The following SPAG4 variants were observed in gnomAD, a reference collection of about 807,000 sequenced individuals.
The protein encoded by SPAG4 is sperm-associated antigen 4 protein.
Under a neutral mutation model 53.9 loss-of-function variants are expected in SPAG4, and 54 were observed. That is an observed-to-expected ratio of 1.00 (90% CI 0.80 to 1.26). The LOEUF (loss-of-function observed/expected upper bound fraction) is 1.26. SPAG4 is among the 50% of genes most tolerant of loss of function. The pLI, the probability that SPAG4 is intolerant of heterozygous loss-of-function variation, is 0.00. For synonymous variants in SPAG4, 246 were observed against 237.4 expected (o/e 1.04, Z -0.33); for missense variants, 548 against 568.6 (o/e 0.96, Z 0.37).
chr20:35,617,014 CA>C (rs948362732), intron 1 of SPAG4, 121 bp from the exon 2 acceptor site: 5 of 676,798 alleles, frequency 7.4e-6, no homozygotes, highest in Non-Finnish European at 1.3e-5. Flanking sequence ...GCGGTGGGAC[CA>C]AAGCCTGTGA....
rs779027763 is a variant in SPAG4, at chr20:35,620,909, A to G, written c.1201A>G (p.Ile401Val). The G allele has an allele frequency of 1.9e-6, 3 of 1,614,150 alleles. No individual in the cohort carries two copies. Among genetic ancestry groups the G allele is most frequent in the Admixed American group, 1.7e-5 (1 of 60,022 alleles). The change falls in exon 12 of 12, where the codon ATC (isoleucine) becomes GTC (valine). Residue 401 changes from isoleucine (I) to valine (V), a missense_variant. Transcript: ENST00000374273. ...CCCAGCTGCCTTTCCCAAGGTGAAG[A>G]TCCAGATTCTAAGCAACTGGGGCCA... is the stretch of plus-strand genomic sequence containing the variant. The part of the protein sequence containing the change: ...DPPAAFPKVK[I>V]QILSNWGHPR...
chr20:35,616,911 T>G lies in SPAG4; in HGVS notation c.305-225T>G. The G allele has an allele frequency of 2.0e-5, 11 of 557,064 alleles. No homozygotes were observed. The South Asian group carries it at 2.4e-4, about 12-fold the overall frequency. The allele number at this position is 557,064 out of a possible 1,614,324, so 34.5% of individuals were successfully genotyped here. The stretch of plus-strand genomic sequence containing the variant: ...TCCCAAATCGCTGGGATTACAGGCG[T>G]GAGCCACCGCGCCCGGCCAGGAGAC... On this transcript the variant is annotated intron_variant, in intron 1 of 11. Coordinates refer to ENST00000374273, the MANE Select transcript of SPAG4 (RefSeq NM_003116.3).
Position 35,617,503 on chromosome 20 carries a change from C to T in SPAG4, c.410-17C>T, listed in dbSNP as rs564233159. ...CCCTGCCGTGGGCCCCTCTCTGACC[C>T]TCTGTCCTGGCCTCAGGCCTGCTCT... On this transcript the variant is annotated splice_polypyrimidine_tract_variant and intron_variant, in intron 2 of 11. Transcript: ENST00000374273. 1.3e-5 allele frequency: 21 copies of T among 1,579,782 alleles called. No homozygotes were observed. In the African/African-American group the frequency reaches 2.5e-4, roughly 19 times the overall value.
intron 4 of SPAG4, 32 bp downstream of exon 4, chr20:35,617,872 C>T (rs780448667): frequency 6.2e-7 from 1 of 1,603,986 alleles, no homozygotes; most frequent in Non-Finnish European, 8.5e-7. Flanking sequence ...GGAGCCCCTG[C>T]CCTGGGTGCT....
intron 1 of SPAG4, 127 bp downstream of exon 1, chr20:35,616,434 G>C (rs938332550): frequency 2.2e-6 from 3 of 1,356,880 alleles, no homozygotes; most frequent in Admixed American, 3.2e-5. Context: ...AGGGTAAAGG[G>C]ATGGTGCTAA....
intron 2 of SPAG4, 53 bp from the exon 3 acceptor site, chr20:35,617,467 G>GC (rs3841688): frequency 0.2 from 300,609 of 1,500,850 alleles, 34,266 homozygotes; most frequent in African/African-American, 0.43. Flanking sequence ...CGCAGGCTGA[G>GC]CCCCGCCTCT....
At chr20:35,618,519 T>G (rs2031461092) in intron 6 of SPAG4, 44 bp downstream of exon 6, 1 of 1,611,542 alleles carries the variant, frequency 6.2e-7, no homozygotes. Context: ...GGCTCAAAGT[T>G]GCTTCTTTGA....
intron 7 of SPAG4, 41 bp from the exon 8 acceptor site, chr20:35,618,882 G>A: frequency 1.3e-6 from 2 of 1,588,382 alleles, no homozygotes; most frequent in Non-Finnish European, 8.6e-7. Flanking sequence ...AAAGCAGCCC[G>A]CAAGCCTCGC....
chr20:35,619,048 A>G, intron 8 of SPAG4, 50 bp downstream of exon 8: 2 of 1,544,512 alleles, frequency 1.3e-6, no homozygotes, highest in East Asian at 2.2e-5. Flanking sequence ...GAAAGAGGCC[A>G]AGACACTGAC....
At chr20:35,619,894 G>A in intron 10 of SPAG4, 148 bp downstream of exon 10, 1 of 793,972 alleles carries the variant, frequency 1.3e-6, no homozygotes, top group Non-Finnish European at 1.9e-6. Context: ...GTAGGTTATA[G>A]TCATAACCAT....
chr20:35,621,041 T>C lies in SPAG4; in HGVS notation c.*19T>C. 1.2e-6 allele frequency: 2 copies of C among 1,610,618 alleles called. No individual in the cohort carries two copies. The highest frequency in any genetic ancestry group is 1.1e-5 in the South Asian group (1 of 91,032). ...CCATTAAACATGCTGATTTTTGGAG[T>C]AGAATTGAGTTCTGCTGAAGGATAC... is the stretch of plus-strand genomic sequence containing the variant. On this transcript the variant is annotated 3_prime_UTR_variant, in exon 12 of 12. Coordinates refer to ENST00000374273, the MANE Select transcript of SPAG4 (RefSeq NM_003116.3).
intron 10 of SPAG4, among the ~76,000 whole-genome samples, chr20:35,620,373 AAC>A (rs2031534198): frequency 6.6e-6 from 1 of 152,200 alleles, no homozygotes; most frequent in Non-Finnish European, 1.5e-5. Context: ...TAATACAACT[AAC>A]AGTTGGCAGG....
In SPAG4 at chr20:35,619,728, C is replaced by T; in HGVS notation, c.1059C>T (p.Pro353=). ...VEHTGGANSA[P]RDFAVFGLQV... is the part of the protein sequence containing the mutation. ...ACACCGGAGGAGCCAACAGCGCCCC[C>T]CGCGATTTCGCGGTCTTTGTGAGTG... The change falls in exon 10 of 12, where the codon CCC becomes CCT. Residue 353 remains proline, a synonymous_variant. Transcript: ENST00000374273. 1 of 1,610,516 alleles carries T rather than the reference C, an allele frequency of 6.2e-7. No homozygotes were observed. Among genetic ancestry groups the T allele is most frequent in the Non-Finnish European group, 8.5e-7 (1 of 1,177,432 alleles).
At chr20:35,617,418 C>A in intron 2 of SPAG4, 102 bp from the exon 3 acceptor site, 1 of 1,110,874 alleles carries the variant, frequency 9.0e-7, no homozygotes, top group South Asian at 1.3e-5. Context: ...CCAGGCCCAC[C>A]CCCGGCCCCT....
intron 3 of SPAG4, 87 bp from the exon 4 acceptor site, chr20:35,617,692 A>G (rs2031434829): frequency 6.4e-7 from 1 of 1,563,474 alleles, no homozygotes; most frequent in Non-Finnish European, 8.8e-7. Flanking sequence ...TGATTGAGTC[A>G]TGTTGGCAAG....
intron 10 of SPAG4, among the ~76,000 whole-genome samples, 180 bp downstream of exon 10, chr20:35,619,926 T>C (rs2031520173): frequency 6.6e-6 from 1 of 152,202 alleles, no homozygotes; most frequent in Admixed American, 6.5e-5. Context: ...AGTTATTGCT[T>C]GCAAAGCACT....
chr20:35,616,486 T>C, intron 1 of SPAG4, 179 bp downstream of exon 1: 2 of 707,766 alleles, frequency 2.8e-6, no homozygotes, highest in Non-Finnish European at 3.5e-6. Flanking sequence ...TCCTGGACGG[T>C]TATGGGAAGG....
chr20:35,617,601 C>A lies in SPAG4; in HGVS notation c.476+15C>A. 1.2e-6 allele frequency: 2 copies of A among 1,608,534 alleles called. No homozygotes were observed. Among genetic ancestry groups the A allele is most frequent in the Non-Finnish European group, 1.7e-6 (2 of 1,177,186 alleles). On this transcript the variant is annotated intron_variant, in intron 3 of 11. Transcript: ENST00000374273. The stretch of plus-strand genomic sequence containing the variant: ...AGCATGTACAGGTCAGAGGAAGGGA[C>A]GCTGGCGCCCCAGGAACAGCTCTTT...
In SPAG4 at chr20:35,618,602, C is replaced by G. The variant is rs1468937034; in HGVS notation, c.609-10C>G. The G allele has an allele frequency of 3.8e-6, 6 of 1,598,786 alleles. No homozygotes were observed. The highest frequency in any genetic ancestry group is 4.3e-6 in the Non-Finnish European group (5 of 1,172,594). ...GAGCCAACCCCACGGCGCCCACCTC[C>G]CACCTCCAGTGAGTACCACGAGCGC... On this transcript the variant is annotated splice_polypyrimidine_tract_variant and intron_variant, in intron 6 of 11. Transcript: ENST00000374273.
Sources: allele counts gnomAD v4.1 joint callset (sites outside exome capture counted in the v4.1 genomes callset), GRCh38; gene constraint gnomAD v4.1.1; transcripts MANE v1.5; gene names NCBI Gene and HGNC (gene_info 2026-07-23, HGNC 2026-07-21).